RAVER2: variants seen among roughly 807,000 people sequenced by gnomAD.
The protein encoded by RAVER2 is ribonucleoprotein, PTB binding 2.
In RAVER2, 46 loss-of-function variants were observed where a neutral mutation model predicts 78.1. The observed-to-expected ratio is 0.59, with a 90% CI of 0.46 to 0.75. The LOEUF (loss-of-function observed/expected upper bound fraction) is 0.75. RAVER2 is among the 30% of genes least tolerant of loss of function. RAVER2 has a pLI of 0.00. For synonymous variants in RAVER2, 311 were observed against 313.3 expected (o/e 0.99, Z 0.08); for missense variants, 793 against 837.5 (o/e 0.95, Z 0.66).
intron 2 of RAVER2, 33 bp from the exon 3 acceptor site, chr1:64,777,590 G>T (rs747072255): frequency 2.0e-6 from 3 of 1,527,978 alleles, no homozygotes; most frequent in South Asian, 1.2e-5. Flanking sequence ...CAAACAATTT[G>T]AAAACTCTTT....
intron 6 of RAVER2, among the ~76,000 whole-genome samples, chr1:64,803,805 A>G (rs974113985): frequency 1.4e-4 from 22 of 152,180 alleles, no homozygotes; most frequent in African/African-American, 4.8e-4. Flanking sequence ...CATTGAGGCT[A>G]CTGTGTGGAA....
At chr1:64,746,569 A>G (rs1181593277) in intron 1 of RAVER2, among the ~76,000 whole-genome samples, 2 of 152,222 alleles carry the variant, frequency 1.3e-5, no homozygotes, top group Non-Finnish European at 2.9e-5. Context: ...CCCCATTACT[A>G]TGTAATGAGA....
intron 1 of RAVER2, among the ~76,000 whole-genome samples, chr1:64,759,674 G>A (rs1478609060): frequency 6.6e-6 from 1 of 151,752 alleles, no homozygotes; most frequent in East Asian, 1.9e-4. Flanking sequence ...CCGCCACCAC[G>A]CCCGGCTAAT....
intron 5 of RAVER2, among the ~76,000 whole-genome samples, chr1:64,790,916 C>T (rs146319157): frequency 4.4e-4 from 67 of 152,326 alleles, no homozygotes; most frequent in African/African-American, 1.6e-3. Context: ...CTCAATCTTC[C>T]ATATGGCTGC....
rs187236380 is a variant in RAVER2 at position 64,789,285 on chromosome 1, A to G, written c.979-103A>G. 810 of 985,388 alleles carry G rather than the reference A, an allele frequency of 8.2e-4. 1 individual carries two copies. The highest frequency in any genetic ancestry group is 2.2e-3 in the Middle Eastern group (8 of 3,674). The allele number at this position is 985,388 out of a possible 1,614,324, so 61.0% of individuals were successfully genotyped here. On this transcript the variant is annotated intron_variant, in intron 4 of 11. Coordinates refer to ENST00000294428, the Ensembl canonical transcript of RAVER2. ...TAAATCAAATTATGTTTATCATAAA[A>G]TAGATCTTGTCAGATGAATGAGGAT... is the stretch of plus-strand genomic sequence containing the variant.
At chr1:64,823,802 A>ATTTTTTTTTTTTTTTTTTTTTTTTTTTTT (rs759134955) in intron 11 of RAVER2, among the ~76,000 whole-genome samples, 2 of 122,846 alleles carry the variant, frequency 1.6e-5, no homozygotes, top group African/African-American at 3.2e-5. Flanking sequence ...GTAAGTTGTG[A>ATTTTTTTTTTTTTTTTTTTTTTTTTTTTT]TTTTTTTTTT....
At chr1:64,826,426 AG>A (rs1385077283) in intron 11 of RAVER2, among the ~76,000 whole-genome samples, 1 of 152,230 alleles carries the variant, frequency 6.6e-6, no homozygotes, top group African/African-American at 2.4e-5. Flanking sequence ...ATCTATGTAA[AG>A]TACATTCCAG....
chr1:64,768,387 A>G (rs1008738066), intron 1 of RAVER2, among the ~76,000 whole-genome samples: 3 of 152,034 alleles, frequency 2.0e-5, no homozygotes, highest in Non-Finnish European at 4.4e-5. Flanking sequence ...ACGTCAAGGA[A>G]TAAGTGTGAG....
At chr1:64,776,019 C>CAAAAAAAAA (rs34578439) in intron 2 of RAVER2, among the ~76,000 whole-genome samples, 1 of 87,480 alleles carries the variant, frequency 1.1e-5, no homozygotes. Context: ...ACTCTTGTCT[C>CAAAAAAAAA]AAAAAAAAAA....
At chr1:64,827,774 A>G (rs1156619046) in intron 11 of RAVER2, among the ~76,000 whole-genome samples, 1 of 152,216 alleles carries the variant, frequency 6.6e-6, no homozygotes, top group African/African-American at 2.4e-5. Context: ...CAAGTATCTA[A>G]TAGGGACAAG....
In RAVER2 at chr1:64,745,525, G is replaced by A; in HGVS notation, c.249+104G>A. ...GCCTCAGAGCGGTCCTGGGGAGTGG[G>A]TCGGCGCCGAGTGGTGAGAGCGGCC... On this transcript the variant is annotated intron_variant, in intron 1 of 11. Transcript: ENST00000294428. This position sits in a 1 kb window ranked among gnomAD's most constrained non-coding sequence, Gnocchi z 4.3. 4 of 1,309,474 alleles carry A rather than the reference G, an allele frequency of 3.1e-6. 1 individual carries two copies. In the South Asian group the frequency reaches 6.4e-5, roughly 21 times the overall value. 81.1% of individuals were successfully genotyped at this position (1,309,474 alleles called of 1,614,324 possible). A position where few individuals can be genotyped will look rare whatever the true frequency, so the allele number is the denominator to read the frequency against.
intron 10 of RAVER2, among the ~76,000 whole-genome samples, chr1:64,813,863 ACACACACACACG>A (rs1653689072): frequency 7.1e-6 from 1 of 141,240 alleles, no homozygotes. Flanking sequence ...ACACACACAC[ACACACACACACG>A]TTTTGTTTTG....
intron 4 of RAVER2, among the ~76,000 whole-genome samples, chr1:64,788,274 C>T (rs1383234332): frequency 6.6e-6 from 1 of 151,764 alleles, no homozygotes; most frequent in Non-Finnish European, 1.5e-5. Flanking sequence ...AGATCAAGAC[C>T]ATCCTGGCTA....
chr1:64,827,313 T>G (rs1028395313), intron 11 of RAVER2, among the ~76,000 whole-genome samples: 2 of 152,150 alleles, frequency 1.3e-5, no homozygotes, highest in Non-Finnish European at 2.9e-5. Context: ...CAATAGTCAC[T>G]TAGGGGAGTG....
chr1:64,785,311 C>T (rs1166722997), intron 4 of RAVER2, among the ~76,000 whole-genome samples: 4 of 150,600 alleles, frequency 2.7e-5, no homozygotes, highest in East Asian at 1.9e-4. Context: ...TCTTTAGCGT[C>T]GTTTGAGAGT....
intron 1 of RAVER2, 36 bp from the exon 2 acceptor site, chr1:64,768,620 G>T: frequency 7.6e-7 from 1 of 1,307,804 alleles, no homozygotes; most frequent in Non-Finnish European, 1.1e-6. Flanking sequence ...AACTGCATTT[G>T]TATGTTTACT....
At chr1:64,762,868 ATAT>A (rs1438534056) in intron 1 of RAVER2, among the ~76,000 whole-genome samples, 4 of 152,228 alleles carry the variant, frequency 2.6e-5, no homozygotes, top group Non-Finnish European at 4.4e-5. Flanking sequence ...AGAAAAGAAG[ATAT>A]TATATGATAG....
chr1:64,800,317 T>C (rs1653226002), intron 5 of RAVER2, among the ~76,000 whole-genome samples: 1 of 152,214 alleles, frequency 6.6e-6, no homozygotes, highest in African/African-American at 2.4e-5. Flanking sequence ...CTATTTTTGA[T>C]TTTGTTGCCT....
At chr1:64,756,522 C>A (rs1297687234) in intron 1 of RAVER2, among the ~76,000 whole-genome samples, 1 of 152,116 alleles carries the variant, frequency 6.6e-6, no homozygotes, top group South Asian at 2.1e-4. Flanking sequence ...ATTGAATAAG[C>A]TTTTTATTTT....
Sources: allele counts gnomAD v4.1 joint callset (sites outside exome capture counted in the v4.1 genomes callset), GRCh38; gene constraint gnomAD v4.1.1; non-coding constraint Gnocchi (gnomAD v3.1); transcripts MANE v1.5; gene names NCBI Gene and HGNC (gene_info 2026-07-23, HGNC 2026-07-21).